RFTN2: variants seen among roughly 807,000 people sequenced by gnomAD.
The protein encoded by RFTN2 is raftlin family member 2, also known as raftlin-2.
Under a neutral mutation model 52.7 loss-of-function variants are expected in RFTN2, and 34 were observed. The ratio of observed to expected loss-of-function variants is 0.64; its 90% CI spans 0.49 to 0.86. The LOEUF (loss-of-function observed/expected upper bound fraction) is 0.86. RFTN2 is among the 40% of genes least tolerant of loss of function. The pLI is 0.00. For synonymous variants in RFTN2, 203 were observed against 217.7 expected, an observed-to-expected ratio of 0.93 and a Z score of 0.59; for missense variants, 536 against 600.1, an observed-to-expected ratio of 0.89 and a Z score of 1.12.
At chr2:197,586,561 C>T (rs944369383) in intron 8 of RFTN2, among the ~76,000 whole-genome samples, 3 of 152,180 alleles carry the variant, frequency 2.0e-5, no homozygotes, top group East Asian at 1.9e-4. Context: ...GCAAATGGGA[C>T]GGAAGAGCTT....
chr2:197,637,203 T>G (rs1444084643), intron 3 of RFTN2, among the ~76,000 whole-genome samples: 1 of 151,704 alleles, frequency 6.6e-6, no homozygotes, highest in East Asian at 1.9e-4. Flanking sequence ...AAAATTCTCT[T>G]TTTTGGTTGT....
chr2:197,612,351 C>T (rs946637482), intron 7 of RFTN2, among the ~76,000 whole-genome samples: 17 of 152,226 alleles, frequency 1.1e-4, no homozygotes, highest in Admixed American at 2.6e-4. Flanking sequence ...ATAAAAATTG[C>T]TTTGGGATTC....
chr2:197,647,661 C>G (rs1559363445), intron 1 of RFTN2, among the ~76,000 whole-genome samples: 1 of 152,108 alleles, frequency 6.6e-6, no homozygotes, highest in East Asian at 1.9e-4. Flanking sequence ...GGAAGCTAAA[C>G]ATATAATTTC....
chr2:197,639,906 A>G (rs1661219535), intron 3 of RFTN2, among the ~76,000 whole-genome samples: 1 of 149,718 alleles, frequency 6.7e-6, no homozygotes, highest in African/African-American at 2.5e-5. Flanking sequence ...GGTGATGTAC[A>G]GATGGGTTTT....
At chr2:197,639,278 C>T (rs1329650439) in intron 3 of RFTN2, among the ~76,000 whole-genome samples, 6 of 138,000 alleles carry the variant, frequency 4.3e-5, no homozygotes, top group African/African-American at 1.1e-4. Flanking sequence ...TGAATCTGAA[C>T]GTTGGCCTGC....
intron 8 of RFTN2, among the ~76,000 whole-genome samples, chr2:197,587,532 C>A (rs1211048799): frequency 2.0e-5 from 3 of 151,924 alleles, no homozygotes; most frequent in Non-Finnish European, 4.4e-5. Flanking sequence ...GACCCCCCAC[C>A]CCTGCCCGCC....
chr2:197,612,131 GA>G (rs1465707271), intron 7 of RFTN2, among the ~76,000 whole-genome samples: 1 of 152,168 alleles, frequency 6.6e-6, no homozygotes, highest in Non-Finnish European at 1.5e-5. Flanking sequence ...AGGTTCACTT[GA>G]GGATGAGGTT....
chr2:197,641,248 G>A (rs770661800), intron 3 of RFTN2, among the ~76,000 whole-genome samples: 1 of 152,238 alleles, frequency 6.6e-6, no homozygotes, highest in Non-Finnish European at 1.5e-5. Flanking sequence ...CAGCTTGTGA[G>A]GCAGGAGAAT....
At chr2:197,620,731 C>A (rs1361833641) in intron 5 of RFTN2, among the ~76,000 whole-genome samples, 2 of 152,176 alleles carry the variant, frequency 1.3e-5, no homozygotes, top group African/African-American at 2.4e-5. Flanking sequence ...GTTTGGGAGG[C>A]CGAGGCAGGC....
intron 5 of RFTN2, among the ~76,000 whole-genome samples, chr2:197,620,199 T>G (rs78001966): frequency 6.6e-6 from 1 of 150,770 alleles, no homozygotes; most frequent in African/African-American, 2.4e-5. Flanking sequence ...AAAAAAAAAA[T>G]AAGAAAAACA....
rs1388922405 is a variant in RFTN2, at chr2:197,571,811, G to T, written c.*197C>A. The T allele has an allele frequency of 5.1e-6, 3 of 589,752 alleles. No homozygotes were observed. Among genetic ancestry groups the T allele is most frequent in the Non-Finnish European group, 6.0e-6 (2 of 332,614 alleles). 36.5% of individuals were successfully genotyped at this position (589,752 alleles called of 1,614,324 possible). A position where few individuals can be genotyped will look rare whatever the true frequency, so the allele number is the denominator to read the frequency against. On this transcript the variant is annotated 3_prime_UTR_variant, in exon 9 of 9. Transcript: ENST00000295049. ...TTTTAGTTGAGAGAAGTGTAAACAT[G>T]ATTCTAAATGTATAAATATGTTGGT...
At chr2:197,625,663 TCTCTCCTCTCCTCTCCTCTCCTCTC>T (rs745983424) in intron 5 of RFTN2, among the ~76,000 whole-genome samples, 2 of 47,410 alleles carry the variant, frequency 4.2e-5, no homozygotes, top group Admixed American at 2.3e-4. Flanking sequence ...AAGAAATTCC[TCTCTCCTCTCCTCTCCTCTCCTCTC>T]CTCTCCTCTC....
Position 197,571,536 on chromosome 2 carries a change from T to A in RFTN2, c.*472A>T, listed in dbSNP as rs1275945912. The A allele has an allele frequency of 1.3e-5, 2 of 155,592 alleles. No individual in the cohort carries two copies. Among genetic ancestry groups the A allele is most frequent in the Non-Finnish European group, 2.9e-5 (2 of 70,064 alleles). 9.6% of individuals were successfully genotyped at this position (155,592 alleles called of 1,614,324 possible). On this transcript the variant is annotated 3_prime_UTR_variant, in exon 9 of 9. Coordinates refer to ENST00000295049, the MANE Select transcript of RFTN2 (RefSeq NM_144629.3). The stretch of plus-strand genomic sequence containing the variant: ...TGGATTAATTATTATATTTGGGAAA[T>A]AGATATTTATTTGCACTAATTAGCT...
chr2:197,589,386 C>T (rs1290210583), intron 8 of RFTN2, among the ~76,000 whole-genome samples: 1 of 152,096 alleles, frequency 6.6e-6, no homozygotes, highest in Non-Finnish European at 1.5e-5. Flanking sequence ...AGTTAAATCT[C>T]TTTCTTTTGT....
At chr2:197,586,446 A>C (rs967080530) in intron 8 of RFTN2, among the ~76,000 whole-genome samples, 1 of 152,160 alleles carries the variant, frequency 6.6e-6, no homozygotes, top group African/African-American at 2.4e-5. Flanking sequence ...GTTTTGCTTT[A>C]TACAAGGTCT....
intron 6 of RFTN2, among the ~76,000 whole-genome samples, chr2:197,617,096 T>C (rs2088157539): frequency 6.6e-6 from 1 of 152,188 alleles, no homozygotes; most frequent in Non-Finnish European, 1.5e-5. Flanking sequence ...AGAACATCTT[T>C]TGGATATTTT....
Position 197,660,099 on chromosome 2 carries a change from G to A in RFTN2, c.140-13433C>T, listed in dbSNP as rs112412850. The stretch of plus-strand genomic sequence containing the variant: ...GCCCAAACTGCTAGTAAGTGGTGAG[G>A]CTGTGATTGAACCCAGACAGAGTGA... On this transcript the variant is annotated intron_variant, in intron 1 of 8. Coordinates refer to ENST00000295049, the MANE Select transcript of RFTN2 (RefSeq NM_144629.3). Among the ~76,000 whole-genome samples the A allele has an allele frequency of 1.6e-4, 25 of 152,290 alleles. 3 individuals carry two copies. Among genetic ancestry groups the A allele is most frequent in the African/African-American group, 5.1e-4 (21 of 41,554 alleles).
At chr2:197,578,387 C>CT (rs1006192444) in intron 8 of RFTN2, among the ~76,000 whole-genome samples, 12 of 151,780 alleles carry the variant, frequency 7.9e-5, no homozygotes, top group African/African-American at 2.7e-4. Flanking sequence ...CACTTTTTTT[C>CT]TTTTTTTACC....
intron 2 of RFTN2, among the ~76,000 whole-genome samples, chr2:197,645,433 C>A (rs534969880): frequency 1.5e-3 from 229 of 151,992 alleles, no homozygotes; most frequent in Non-Finnish European, 2.4e-3. Flanking sequence ...AGAATGCATC[C>A]CTGTCATTAA....
Sources: allele counts gnomAD v4.1 joint callset (sites outside exome capture counted in the v4.1 genomes callset), GRCh38; gene constraint gnomAD v4.1.1; transcripts MANE v1.5; gene names NCBI Gene and HGNC (gene_info 2026-07-23, HGNC 2026-07-21).